Variants in EML4 observed in about 807,000 individuals in gnomAD.
EML4 encodes the protein EMAP like 4, also known as echinoderm microtubule-associated protein-like 4.
EML4 carries 72 observed loss-of-function variants against 129.0 expected under a neutral mutation model. The ratio of observed to expected loss-of-function variants is 0.56; its 90% confidence interval spans 0.46 to 0.68. The LOEUF (loss-of-function observed/expected upper bound fraction) is 0.68, where lower values mean the gene tolerates loss of function less well. Among genes scored for constraint, EML4 ranks in the 30% least tolerant of loss-of-function variants. EML4 has a pLI of 0.00. For synonymous variants in EML4, 532 were observed against 405.0 expected, an observed-to-expected ratio of 1.31 and a Z score of -3.77; for missense variants, 1,363 against 1,190.6, an observed-to-expected ratio of 1.14 and a Z score of -2.13.
chr2:42,182,405 C>T lies in EML4; in HGVS notation c.25+12769C>T, dbSNP rs573486571. On this transcript the variant is annotated intron_variant, in intron 1 of 22. Transcript: ENST00000318522. ...ATCTTGTGCCGACATTCTCATCCCA[C>T]CAGGGCTCCAGCATCCTATGCCAGG... Among the ~76,000 whole-genome samples, 27 of 151,286 alleles carry T rather than the reference C, an allele frequency of 1.8e-4. 1 individual carries two copies. The South Asian group carries it at 4.8e-3, about 27-fold the overall frequency.
Position 42,263,193 on chromosome 2 carries a change from A to C in EML4, c.528A>C (p.Ser176=). 6.2e-7 allele frequency: 1 copy of C among 1,612,170 alleles called. No individual in the cohort carries two copies. The highest frequency in any genetic ancestry group is 8.5e-7 in the Non-Finnish European group (1 of 1,179,392). Residue 176 remains serine (S), a synonymous_variant, in exon 5 of 23, where the codon TCA becomes TCC. Transcript: ENST00000318522. ...TTCCTTCTAGCATAAAACGACCATC[A>C]CCAGCTGAAAAGTCACATAATTCTT... ...ATPTKSIKRP[S]PAEKSHNSWE...
intron 17 of EML4, among the ~76,000 whole-genome samples, chr2:42,313,853 C>CA (rs1669092880): frequency 6.6e-6 from 1 of 151,116 alleles, no homozygotes; most frequent in Admixed American, 6.6e-5. Flanking sequence ...CGCTTGAACC[C>CA]GGAGGCGGAG....
At position 42,280,898 on chromosome 2, in the gene EML4, T is replaced by G. The variant is rs750489738; in HGVS notation, c.716T>G (p.Phe239Cys). 1 of 1,612,534 alleles carries G rather than the reference T, an allele frequency of 6.2e-7. No homozygotes were observed. Among genetic ancestry groups the G allele is most frequent in the Non-Finnish European group, 8.5e-7 (1 of 1,179,004 alleles). Residue 239 changes from phenylalanine to cysteine, a missense_variant, in exon 7 of 23, where the codon TTC becomes TGC. Coordinates refer to ENST00000318522, the MANE Select transcript of EML4 (RefSeq NM_019063.5). ...ATGCGCGGTCGGCCAATTACCATGTTCATTCCTTCCGATGTTGACAACTAT... is the reference window on the plus strand; with the variant it reads ...ATGCGCGGTCGGCCAATTACCATGTGCATTCCTTCCGATGTTGACAACTAT... ...MFMRGRPITM[F>C]IPSDVDNYDD... is the part of the protein sequence containing the mutation.
chr2:42,281,286 G>T (rs1231529755), intron 7 of EML4, among the ~76,000 whole-genome samples: 1 of 151,744 alleles, frequency 6.6e-6, no homozygotes, highest in Non-Finnish European at 1.5e-5. Context: ...CCAGCTACTC[G>T]GGAGGCTGAG....
intron 1 of EML4, among the ~76,000 whole-genome samples, chr2:42,224,007 T>C (rs1189447365): frequency 6.6e-6 from 1 of 152,168 alleles, no homozygotes; most frequent in Non-Finnish European, 1.5e-5. Context: ...TTATGAAAGT[T>C]TTTCTTGCTT....
intron 1 of EML4, among the ~76,000 whole-genome samples, chr2:42,210,644 T>G (rs752817725): frequency 1.7e-4 from 26 of 152,254 alleles, no homozygotes; most frequent in Non-Finnish European, 3.4e-4. Context: ...GATAATTTTT[T>G]CAGTCATTTA....
intron 21 of EML4, among the ~76,000 whole-genome samples, chr2:42,326,631 T>C (rs976520184): frequency 1.3e-5 from 2 of 152,198 alleles, no homozygotes; most frequent in African/African-American, 2.4e-5. Context: ...CCTGTAATTC[T>C]AGCACTTTGG....
intron 19 of EML4, among the ~76,000 whole-genome samples, chr2:42,321,007 T>C (rs1669489245): frequency 1.3e-5 from 2 of 152,008 alleles, no homozygotes; most frequent in African/African-American, 4.8e-5. Flanking sequence ...TACCTAGAAA[T>C]CGCCAAGAAA....
intron 1 of EML4, among the ~76,000 whole-genome samples, chr2:42,176,255 C>A (rs992288739): frequency 6.6e-6 from 1 of 152,168 alleles, no homozygotes; most frequent in Non-Finnish European, 1.5e-5. Context: ...CACCTTTTCT[C>A]ATCCCTTTTC....
intron 1 of EML4, among the ~76,000 whole-genome samples, chr2:42,194,613 C>T (rs1428313905): frequency 1.3e-5 from 2 of 151,634 alleles, no homozygotes; most frequent in Non-Finnish European, 2.9e-5. Context: ...TGGGCTCAAG[C>T]GATCCTCTCA....
At chr2:42,206,638 T>C (rs1360209108) in intron 1 of EML4, among the ~76,000 whole-genome samples, 1 of 152,224 alleles carries the variant, frequency 6.6e-6, no homozygotes, top group Non-Finnish European at 1.5e-5. Context: ...TTACTAGCCA[T>C]TTATTTTGTA....
chr2:42,277,311 A>G (rs1413737748), intron 6 of EML4, among the ~76,000 whole-genome samples: 1 of 152,218 alleles, frequency 6.6e-6, no homozygotes. Flanking sequence ...AATAAGGACA[A>G]GGAAATACAG....
At chr2:42,256,740 A>C in intron 3 of EML4, 110 bp downstream of exon 3, 1 of 1,333,554 alleles carries the variant, frequency 7.5e-7, no homozygotes, top group Admixed American at 2.1e-5. Context: ...TCAAGTGAGC[A>C]TGTCCTTTGA....
At position 42,295,223 on chromosome 2, in the gene EML4, C is replaced by T. The variant is rs201724206; in HGVS notation, c.1317C>T (p.Ser439=). The T allele has an allele frequency of 2.6e-5, 42 of 1,613,510 alleles. No individual in the cohort carries two copies. Among genetic ancestry groups the T allele is most frequent in the African/African-American group, 2.1e-4 (16 of 74,974 alleles). ...CTCATATTTTCTTCTGGACCTGGAG[C>T]GGCAATTCACTAACAAGAAAACAGG... ...GKSHIFFWTW[S]GNSLTRKQGI... is the part of the protein sequence containing the mutation. Residue 439 remains serine, a synonymous_variant, in exon 12 of 23, where the codon AGC becomes AGT. Coordinates refer to ENST00000318522, the MANE Select transcript of EML4 (RefSeq NM_019063.5).
At chr2:42,185,795 G>T (rs1474439035) in intron 1 of EML4, among the ~76,000 whole-genome samples, 1 of 152,100 alleles carries the variant, frequency 6.6e-6, no homozygotes, top group Non-Finnish European at 1.5e-5. Flanking sequence ...AGAATGAATT[G>T]GAGCAGACAA....
chr2:42,249,595 C>CT (rs1321748889), intron 2 of EML4, among the ~76,000 whole-genome samples: 1 of 152,130 alleles, frequency 6.6e-6, no homozygotes. Flanking sequence ...GATGTGTGTG[C>CT]TAAGGGCTTA....
intron 1 of EML4, among the ~76,000 whole-genome samples, chr2:42,239,916 A>AG (rs1266839836): frequency 6.6e-6 from 1 of 152,094 alleles, no homozygotes; most frequent in African/African-American, 2.4e-5. Context: ...AGAGATTGGG[A>AG]GGGAAAAAAA....
chr2:42,241,529 G>A (rs776826973), intron 1 of EML4, among the ~76,000 whole-genome samples: 14 of 152,110 alleles, frequency 9.2e-5, no homozygotes, highest in Admixed American at 2.0e-4. Flanking sequence ...CTTTCACATG[G>A]GTTACTGCAA....
intron 21 of EML4, among the ~76,000 whole-genome samples, chr2:42,327,880 C>T (rs1433302000): frequency 2.6e-5 from 4 of 152,134 alleles, no homozygotes; most frequent in Admixed American, 6.5e-5. Context: ...TTGGGTTCTC[C>T]AGCCTGATCA....
Sources: allele counts gnomAD v4.1 joint callset (sites outside exome capture counted in the v4.1 genomes callset), GRCh38; gene constraint gnomAD v4.1.1; transcripts MANE v1.5; gene names NCBI Gene and HGNC (gene_info 2026-07-23, HGNC 2026-07-21).